The following SNRK variants were observed in gnomAD, a reference collection of about 807,000 sequenced individuals.
SNRK encodes the protein SNF-related serine/threonine-protein kinase.
Under a neutral mutation model 48.2 loss-of-function variants are expected in SNRK, and 3 were observed. The ratio of observed to expected loss-of-function variants is 0.06; its 90% CI spans 0.03 to 0.16. SNRK has a LOEUF of 0.16. Ranked by LOEUF, SNRK falls within the 10% of genes least tolerant of loss-of-function variation. The pLI is 1.00. For synonymous variants in SNRK, 376 were observed against 366.1 expected, an observed-to-expected ratio of 1.03 and a Z score of -0.31; for missense variants, 627 against 976.0, an observed-to-expected ratio of 0.64 and a Z score of 4.76.
chr3:43,342,212 C>T (rs1481308818), intron 5 of SNRK, among the ~76,000 whole-genome samples: 1 of 152,146 alleles, frequency 6.6e-6, no homozygotes, highest in African/African-American at 2.4e-5. Flanking sequence ...GTTCAGGTGA[C>T]TCCAGTTTGC....
At chr3:43,318,420 G>A (rs1042769002) in intron 3 of SNRK, among the ~76,000 whole-genome samples, 3 of 151,966 alleles carry the variant, frequency 2.0e-5, no homozygotes, top group African/African-American at 7.3e-5. Flanking sequence ...CTTCAGAAGG[G>A]CTTTTCAAAC....
intron 3 of SNRK, among the ~76,000 whole-genome samples, chr3:43,327,631 T>G (rs2091106023): frequency 6.6e-6 from 1 of 152,184 alleles, no homozygotes; most frequent in Non-Finnish European, 1.5e-5. Context: ...AGAAATGACT[T>G]TTTAGGAAAC....
chr3:43,303,188 C>T lies in SNRK; in HGVS notation c.-16C>T, dbSNP rs578075233. 6 of 1,576,376 alleles carry T rather than the reference C, an allele frequency of 3.8e-6. No individual in the cohort carries two copies. The highest frequency in any genetic ancestry group is 3.6e-5 in the Admixed American group (2 of 55,978). ...ATTTTAAACAGTCTAAATATTTTTT[C>T]TTCTGTTGGACCAGCATGGCAGGAT... On this transcript the variant is annotated 5_prime_UTR_variant, in exon 3 of 7. Transcript: ENST00000296088. The surrounding 1 kb of genome is among the most constrained non-coding windows in gnomAD (Gnocchi z 6.2).
At chr3:43,336,219 CCTTT>C (rs1455273257) in intron 4 of SNRK, among the ~76,000 whole-genome samples, 1 of 150,182 alleles carries the variant, frequency 6.7e-6, no homozygotes, top group Non-Finnish European at 1.5e-5. Flanking sequence ...TCCCTCCCTC[CCTTT>C]CCTTCCTCCC....
intron 1 of SNRK, among the ~76,000 whole-genome samples, chr3:43,299,187 A>G (rs2090879892): frequency 6.6e-6 from 1 of 152,018 alleles, no homozygotes; most frequent in African/African-American, 2.4e-5. Context: ...CATTATTATT[A>G]TTATTTTTGA....
intron 6 of SNRK, among the ~76,000 whole-genome samples, chr3:43,346,238 C>G (rs928755974): frequency 7.2e-5 from 11 of 152,018 alleles, no homozygotes; most frequent in Admixed American, 5.9e-4. Context: ...TTTTTAATGA[C>G]AGGTTTATTT....
In SNRK at chr3:43,349,818, T is replaced by A. The variant is rs2125653417; in HGVS notation, c.*1261T>A. 1 of 152,348 alleles carries A rather than the reference T, an allele frequency of 6.6e-6. No homozygotes were observed. The highest frequency in any genetic ancestry group is 1.5e-5 in the Non-Finnish European group (1 of 68,040). The allele number at this position is 152,348 out of a possible 1,614,324, so 9.4% of individuals were successfully genotyped here. A position where few individuals can be genotyped will look rare whatever the true frequency, so the allele number is the denominator to read the frequency against. ...ACTGTATATTGCAAATTGCTGATTA[T>A]GGAAGGGGCCAGTTGCTGTTTTTTC... On this transcript the variant is annotated 3_prime_UTR_variant, in exon 7 of 7. Transcript: ENST00000296088.
chr3:43,312,882 CA>C (rs1022757535), intron 3 of SNRK, among the ~76,000 whole-genome samples: 2 of 151,862 alleles, frequency 1.3e-5, no homozygotes, highest in African/African-American at 2.4e-5. Flanking sequence ...ACACATCTAA[CA>C]AAAAAATAAT....
chr3:43,349,280 T>C lies in SNRK; in HGVS notation c.*723T>C, dbSNP rs184667425. 3.3e-5 allele frequency: 5 copies of C among 152,810 alleles called. No individual in the cohort carries two copies. Among genetic ancestry groups the C allele is most frequent in the African/African-American group, 9.6e-5 (4 of 41,598 alleles). The allele number at this position is 152,810 out of a possible 1,614,324, so 9.5% of individuals were successfully genotyped here. On this transcript the variant is annotated 3_prime_UTR_variant, in exon 7 of 7. Coordinates refer to ENST00000296088, the MANE Select transcript of SNRK (RefSeq NM_017719.5). ...AGTGATAAATTACAAGCAGACAATCTTATTTTGTAATGTGATGAAGTGATG... is the reference window on the plus strand; with the variant it reads ...AGTGATAAATTACAAGCAGACAATCCTATTTTGTAATGTGATGAAGTGATG...
intron 3 of SNRK, among the ~76,000 whole-genome samples, chr3:43,318,204 T>A (rs2091027387): frequency 6.6e-6 from 1 of 152,146 alleles, no homozygotes; most frequent in African/African-American, 2.4e-5. Context: ...CGTGGGAAAA[T>A]GGGGAGGAAG....
intron 1 of SNRK, among the ~76,000 whole-genome samples, chr3:43,294,972 TTTTG>T (rs1178070928): frequency 6.6e-6 from 1 of 152,186 alleles, no homozygotes; most frequent in African/African-American, 2.4e-5. Context: ...TACACCCAGC[TTTTG>T]TTTAAGTCAT....
chr3:43,295,319 T>C (rs967077049), intron 1 of SNRK, among the ~76,000 whole-genome samples: 1 of 152,246 alleles, frequency 6.6e-6, no homozygotes, highest in African/African-American at 2.4e-5. Flanking sequence ...GGATTCTGCA[T>C]TGGCAACCAA....
At chr3:43,312,166 G>A (rs915286861) in intron 3 of SNRK, among the ~76,000 whole-genome samples, 1 of 152,100 alleles carries the variant, frequency 6.6e-6, no homozygotes, top group Non-Finnish European at 1.5e-5. Context: ...GAAATATTCA[G>A]TCTCTGCATT....
intron 3 of SNRK, among the ~76,000 whole-genome samples, chr3:43,313,925 T>C (rs1290098812): frequency 1.3e-5 from 2 of 152,242 alleles, no homozygotes; most frequent in Non-Finnish European, 2.9e-5. Flanking sequence ...TGTGAGTGTT[T>C]CTGGCTTATT....
intron 3 of SNRK, among the ~76,000 whole-genome samples, chr3:43,331,447 G>A (rs2091145625): frequency 6.6e-6 from 1 of 152,180 alleles, no homozygotes. Flanking sequence ...TACCATTGGT[G>A]CAGAAATGCC....
chr3:43,313,865 GTT>G (rs1487523483), intron 3 of SNRK, among the ~76,000 whole-genome samples: 1 of 152,190 alleles, frequency 6.6e-6, no homozygotes, highest in Non-Finnish European at 1.5e-5. Context: ...AAAATGAAAA[GTT>G]TGAATATAGA....
chr3:43,349,847 C>G lies in SNRK; in HGVS notation c.*1290C>G, dbSNP rs2091309507. On this transcript the variant is annotated 3_prime_UTR_variant, in exon 7 of 7. Transcript: ENST00000296088. The stretch of plus-strand genomic sequence containing the variant: ...AGGGGCCAGTTGCTGTTTTTTCATG[C>G]AGTGCCCTGGGAGTCTTAAAAGCAG... The G allele has an allele frequency of 6.6e-6, 1 of 152,170 alleles. No homozygotes were observed. The highest frequency in any genetic ancestry group is 2.4e-5 in the African/African-American group (1 of 41,430). 9.4% of individuals were successfully genotyped at this position (152,170 alleles called of 1,614,324 possible).
At chr3:43,298,033 A>G (rs965611966) in intron 1 of SNRK, among the ~76,000 whole-genome samples, 7 of 152,140 alleles carry the variant, frequency 4.6e-5, no homozygotes, top group Admixed American at 1.3e-4. Flanking sequence ...GTCTGTAACA[A>G]TGATGGTGGT....
chr3:43,339,553 C>T (rs2091216533), intron 4 of SNRK, among the ~76,000 whole-genome samples: 1 of 151,852 alleles, frequency 6.6e-6, no homozygotes, highest in Non-Finnish European at 1.5e-5. Context: ...CGCGGTGGCT[C>T]ATGCCTGTAA....
Sources: gnomAD v4.1 joint callset for allele counts (sites outside exome capture counted in the v4.1 genomes callset) on GRCh38, gnomAD v4.1.1 for gene constraint, Gnocchi (gnomAD v3.1) non-coding constraint, MANE v1.5 for transcripts, NCBI Gene and HGNC (gene_info 2026-07-23, HGNC 2026-07-21) for gene names.